The following ZP3 variants were observed in gnomAD, a reference collection of about 807,000 sequenced individuals.
ZP3 encodes zona pellucida glycoprotein 3.
A neutral mutation model predicts 35.6 loss-of-function variants in ZP3; 21 were observed. The ratio of observed to expected loss-of-function variants is 0.59; its 90% confidence interval spans 0.42 to 0.85. The LOEUF is 0.85. ZP3 is among the 40% of genes least tolerant of loss of function. The pLI is 0.00. For missense variants in ZP3, 437 were observed against 536.5 expected, an observed-to-expected ratio of 0.81 and a Z score of 1.83; for synonymous variants, 207 against 214.5, an observed-to-expected ratio of 0.96 and a Z score of 0.31.
chr7:76,410,126 A>G (rs573379379), intron 1 of ZP3, among the ~76,000 whole-genome samples: 3 of 150,386 alleles, frequency 2.0e-5, no homozygotes, highest in African/African-American at 7.3e-5. Context: ...TCCGCCTCCC[A>G]GGCTTAATCA....
At chr7:76,414,896 C>T (rs952150033) in intron 1 of ZP3, among the ~76,000 whole-genome samples, 2 of 101,118 alleles carry the variant, frequency 2.0e-5, no homozygotes, top group African/African-American at 7.7e-5. Flanking sequence ...TCTTATGCAG[C>T]CATGGTACAT....
At chr7:76,429,092 G>A in intron 1 of ZP3, 1 of 216,918 alleles carries the variant, frequency 4.6e-6, no homozygotes, top group African/African-American at 2.3e-5. Context: ...GGGCATGGAG[G>A]GGGAGTGTCA....
chr7:76,433,130 TTTGGTTGGTTTTGG>T (rs1467472174), intron 3 of ZP3, 100 bp downstream of exon 3: 48 of 606,718 alleles, frequency 7.9e-5, no homozygotes, highest in South Asian at 2.2e-4. Context: ...TGGTTTTGGT[TTTGGTTGGTTTTGG>T]TTGGTTTTGG....
intron 5 of ZP3, among the ~76,000 whole-genome samples, chr7:76,435,589 C>G (rs1805969370): frequency 6.6e-6 from 1 of 152,240 alleles, no homozygotes; most frequent in African/African-American, 2.4e-5. Context: ...TGTAAAAATA[C>G]TGATTGTAGA....
At chr7:76,413,646 A>C (rs1335814100) in intron 1 of ZP3, among the ~76,000 whole-genome samples, 2 of 152,130 alleles carry the variant, frequency 1.3e-5, no homozygotes, top group African/African-American at 4.8e-5. Flanking sequence ...ACAACAACAA[A>C]ACAGACTAAT....
chr7:76,404,580 C>CT, intron 1 of ZP3: 2 of 1,311,218 alleles, frequency 1.5e-6, no homozygotes, highest in Non-Finnish European at 1.1e-6. Context: ...TTGCTTGCAC[C>CT]CAGGGGTTTG....
At chr7:76,440,192 G>A in intron 5 of ZP3, 58 bp from the exon 6 acceptor site, 4 of 1,557,970 alleles carry the variant, frequency 2.6e-6, no homozygotes, top group Admixed American at 1.9e-5. Flanking sequence ...GAACTGGTGT[G>A]TTAAACTCCC....
intron 6 of ZP3, 44 bp downstream of exon 6, chr7:76,440,385 G>A (rs368998014): frequency 1.6e-5 from 26 of 1,611,536 alleles, no homozygotes; most frequent in African/African-American, 1.1e-4. Flanking sequence ...AAACTGAATC[G>A]GCGACCCCTT....
chr7:76,405,541 G>A (rs1191273251), intron 1 of ZP3, among the ~76,000 whole-genome samples: 6 of 150,648 alleles, frequency 4.0e-5, no homozygotes, highest in Admixed American at 3.3e-4. Flanking sequence ...GCAGCTAATG[G>A]GGAGGCTGAG....
At chr7:76,423,076 AAAG>A (rs1474295056), upstream of ZP3, among the ~76,000 whole-genome samples, 5 of 144,592 alleles carry the variant, frequency 3.5e-5, no homozygotes, top group Admixed American at 7.2e-5. Flanking sequence ...AGAAAGAAAG[AAAG>A]AAAGAAAAGA....
chr7:76,412,338 A>G (rs1381275215), intron 1 of ZP3, among the ~76,000 whole-genome samples: 1 of 152,198 alleles, frequency 6.6e-6, no homozygotes, highest in Non-Finnish European at 1.5e-5. Context: ...AAACATCTTC[A>G]AAATGATGAA....
At chr7:76,400,162 G>T in intron 1 of ZP3, 1 of 1,103,490 alleles carries the variant, frequency 9.1e-7, no homozygotes, top group Non-Finnish European at 1.2e-6. Flanking sequence ...ACCAGGCATT[G>T]TAGCCTCTGG....
intron 1 of ZP3, among the ~76,000 whole-genome samples, chr7:76,415,421 A>G (rs1171659145): frequency 7.7e-6 from 1 of 130,650 alleles, no homozygotes; most frequent in East Asian, 2.5e-4. Context: ...TATGACAACT[A>G]TGACAACTGT....
chr7:76,432,865 C>A, intron 2 of ZP3, 62 bp from the exon 3 acceptor site: 2 of 1,420,212 alleles, frequency 1.4e-6, no homozygotes, highest in Non-Finnish European at 2.0e-6. Flanking sequence ...TACTCCCCAT[C>A]AGTGGGGGCC....
chr7:76,422,964 T>C (rs1174819615), upstream of ZP3, among the ~76,000 whole-genome samples: 1 of 145,232 alleles, frequency 6.9e-6, no homozygotes, highest in Non-Finnish European at 1.5e-5. Flanking sequence ...ACCACTGCAC[T>C]CCAGCCTGGG....
rs199926330 is a variant in ZP3 at position 76,433,001 on chromosome 7, A to C, written c.506A>C (p.Lys169Thr). The C allele has an allele frequency of 6.2e-7, 1 of 1,614,142 alleles. No homozygotes were observed. The highest frequency in any genetic ancestry group is 8.5e-7 in the Non-Finnish European group (1 of 1,180,018). The change falls in exon 3 of 8, where the codon AAG (lysine) becomes ACG (threonine). Residue 169 changes from lysine (K) to threonine (T), a missense_variant. By Grantham distance (78) the Lys-to-Thr change is moderately conservative (BLOSUM62 -1). Coordinates refer to ENST00000394857, the MANE Select transcript of ZP3 (RefSeq NM_001110354.2). ...PFRTTVFSEE[K>T]LTFSLRLMEE... ...AGGACCACGGTGTTCTCAGAGGAGA[A>C]GCTGACTTTCTCTCTGCGTCTGATG...
Position 76,400,593 on chromosome 7 carries a change from T to C in ZP3, c.-67+2796T>C, listed in dbSNP as rs1328456566. On this transcript the variant is annotated intron_variant, in intron 1 of 8. Coordinates refer to the ZP3 transcript ENST00000336517. ...TGGGGCCCCCCACCAGCCTCAGCTC[T>C]GTGAAGAGGGTGGAGCTGGCACCAG... 13 of 1,461,278 alleles carry C rather than the reference T, an allele frequency of 8.9e-6. No individual in the cohort carries two copies. In the Admixed American group the frequency reaches 1.1e-4, roughly 12 times the overall value. The allele number at this position is 1,461,278 out of a possible 1,614,324, so 90.5% of individuals were successfully genotyped here.
chr7:76,415,687 G>C (rs1268603229), intron 1 of ZP3, among the ~76,000 whole-genome samples: 12 of 150,258 alleles, frequency 8.0e-5, no homozygotes, highest in Non-Finnish European at 1.5e-4. Flanking sequence ...AGTAGAGATG[G>C]GGTTTCACCA....
At chr7:76,436,673 C>T (rs1157298510) in intron 5 of ZP3, among the ~76,000 whole-genome samples, 1 of 152,196 alleles carries the variant, frequency 6.6e-6, no homozygotes, top group Non-Finnish European at 1.5e-5. Flanking sequence ...TTCAGTGGGG[C>T]TGGGGATAAA....
Sources: allele counts gnomAD v4.1 joint callset (sites outside exome capture counted in the v4.1 genomes callset), GRCh38; gene constraint gnomAD v4.1.1; transcripts MANE v1.5; gene names NCBI Gene and HGNC (gene_info 2026-07-23, HGNC 2026-07-21).